ARB2A: variants seen among roughly 807,000 people sequenced by gnomAD.
ARB2A encodes the protein cotranscriptional regulator ARB2A.
chr5:94,041,487 A>C, the ARB2A span, among the ~76,000 whole-genome samples: 1,843 of 152,190 alleles, frequency 0.012, 18 homozygotes, highest in Non-Finnish European at 0.017. Context: ...TGTGTGTGTG[A>C]TGTTTATATA....
the ARB2A span, chr5:93,964,476 C>G: frequency 6.4e-7 from 1 of 1,573,732 alleles, no homozygotes; most frequent in African/African-American, 1.4e-5. Context: ...ATACTTTTTT[C>G]AAATTACAAT....
At chr5:93,798,939 T>C in the ARB2A span, among the ~76,000 whole-genome samples, 1 of 152,150 alleles carries the variant, frequency 6.6e-6, no homozygotes, top group Non-Finnish European at 1.5e-5. Context: ...CTGCTTTAAT[T>C]CCATGGACTG....
the ARB2A span, among the ~76,000 whole-genome samples, chr5:93,767,314 A>T: frequency 6.6e-6 from 1 of 152,180 alleles, no homozygotes; most frequent in Non-Finnish European, 1.5e-5. Context: ...GGGAAATGCA[A>T]ATCAAAACCA....
chr5:94,104,548 T>C, the ARB2A span, among the ~76,000 whole-genome samples: 37 of 152,004 alleles, frequency 2.4e-4, no homozygotes, highest in African/African-American at 5.5e-4. Flanking sequence ...CTGGAAAAGA[T>C]AGATTGACAG....
chr5:93,850,774 T>C, the ARB2A span, among the ~76,000 whole-genome samples: 2 of 152,298 alleles, frequency 1.3e-5, no homozygotes, highest in African/African-American at 4.8e-5. Context: ...ATTTAACATT[T>C]GGAGTCAATA....
At chr5:94,077,735 C>T in the ARB2A span, among the ~76,000 whole-genome samples, 3 of 152,214 alleles carry the variant, frequency 2.0e-5, no homozygotes, top group Non-Finnish European at 4.4e-5. Context: ...GAGAATAAAG[C>T]GGTGGAAGGT....
chr5:93,934,310 A>C, the ARB2A span, among the ~76,000 whole-genome samples: 318 of 152,340 alleles, frequency 2.1e-3, 3 homozygotes, highest in African/African-American at 7.2e-3. Flanking sequence ...AGATATTCTC[A>C]AATTTCGACG....
At chr5:93,945,345 G>A in the ARB2A span, among the ~76,000 whole-genome samples, 1 of 151,574 alleles carries the variant, frequency 6.6e-6, no homozygotes, top group South Asian at 2.1e-4. Flanking sequence ...AACCTGGGAG[G>A]TGGAGGTTGC....
the ARB2A span, among the ~76,000 whole-genome samples, chr5:93,945,023 G>T: frequency 2.5e-4 from 38 of 151,856 alleles, 1 homozygote; most frequent in African/African-American, 8.9e-4. Flanking sequence ...GGCTTTAGTT[G>T]TAAGTTCAAG....
the ARB2A span, among the ~76,000 whole-genome samples, chr5:93,829,110 T>C: frequency 2.0e-5 from 3 of 152,144 alleles, no homozygotes; most frequent in Admixed American, 1.3e-4. Context: ...CAAGGCCGTT[T>C]GTAAAGTTCA....
At chr5:93,721,573 A>T in the ARB2A span, among the ~76,000 whole-genome samples, 1 of 152,188 alleles carries the variant, frequency 6.6e-6, no homozygotes, top group Non-Finnish European at 1.5e-5. Flanking sequence ...GATACACATG[A>T]ATAATTATTT....
At chr5:93,785,006 C>T in the ARB2A span, among the ~76,000 whole-genome samples, 1 of 152,110 alleles carries the variant, frequency 6.6e-6, no homozygotes, top group East Asian at 1.9e-4. Flanking sequence ...TTTTAAATGC[C>T]CACAAAGATA....
chr5:93,829,329 C>T, the ARB2A span, among the ~76,000 whole-genome samples: 2 of 152,092 alleles, frequency 1.3e-5, no homozygotes, highest in Admixed American at 1.3e-4. Flanking sequence ...TGGGTTACTG[C>T]ATTTGTCCAG....
At chr5:94,018,734 A>G in the ARB2A span, among the ~76,000 whole-genome samples, 1 of 152,048 alleles carries the variant, frequency 6.6e-6, no homozygotes, top group African/African-American at 2.4e-5. Context: ...GAATGGGAGT[A>G]GTATATAGAT....
At chr5:93,840,457 A>G in the ARB2A span, among the ~76,000 whole-genome samples, 1 of 152,110 alleles carries the variant, frequency 6.6e-6, no homozygotes, top group Non-Finnish European at 1.5e-5. Context: ...CAACACCACA[A>G]TGTCTATTCT....
chr5:93,925,276 A>G, the ARB2A span, among the ~76,000 whole-genome samples: 1 of 152,200 alleles, frequency 6.6e-6, no homozygotes, highest in Non-Finnish European at 1.5e-5. Flanking sequence ...TATGTCATTT[A>G]CACACAGCAT....
chr5:93,740,347 T>C, the ARB2A span: 1 of 524,022 alleles, frequency 1.9e-6, no homozygotes, highest in African/African-American at 1.9e-5. Flanking sequence ...TTTAAACCAA[T>C]GCTAGGGAAA....
chr5:93,727,577 T>C, the ARB2A span, among the ~76,000 whole-genome samples: 1 of 151,992 alleles, frequency 6.6e-6, no homozygotes. Flanking sequence ...TGAGGGTATA[T>C]ACCTTCTGGC....
the ARB2A span, among the ~76,000 whole-genome samples, chr5:94,030,722 C>A: frequency 6.6e-6 from 1 of 152,150 alleles, no homozygotes; most frequent in Non-Finnish European, 1.5e-5. Context: ...GGAGGTGGAG[C>A]CTTTAAGAGG....
Sources: allele counts gnomAD v4.1 joint callset (sites outside exome capture counted in the v4.1 genomes callset), GRCh38; gene constraint gnomAD v4.1.1; transcripts MANE v1.5; gene names NCBI Gene and HGNC (gene_info 2026-07-23, HGNC 2026-07-21).